Variants in ANKRD46 observed in about 807,000 individuals in gnomAD.
ANKRD46 encodes ankyrin repeat domain 46, also known as ankyrin repeat domain-containing protein 46.
In ANKRD46, 13 loss-of-function variants were observed where a neutral mutation model predicts 19.8. The ratio of observed to expected loss-of-function variants is 0.66; its 90% CI spans 0.43 to 1.04. The LOEUF is 1.04. ANKRD46 is among the 50% of genes least tolerant of loss of function. The pLI is 0.00. For synonymous variants in ANKRD46, 91 were observed against 106.9 expected, an observed-to-expected ratio of 0.85 and a Z score of 0.92; for missense variants, 185 against 274.8, an observed-to-expected ratio of 0.67 and a Z score of 2.31.
chr8:100,552,955 T>C (rs1283139047), intron 1 of ANKRD46, among the ~76,000 whole-genome samples: 2 of 152,228 alleles, frequency 1.3e-5, no homozygotes, highest in African/African-American at 4.8e-5. Flanking sequence ...CTGTCATTGC[T>C]TCCTAAAAAG....
intron 5 of ANKRD46, among the ~76,000 whole-genome samples, chr8:100,513,659 C>G (rs1811583827): frequency 6.6e-6 from 1 of 152,140 alleles, no homozygotes; most frequent in Non-Finnish European, 1.5e-5. Flanking sequence ...AAATATAGAA[C>G]TGTTAGCTGG....
Position 100,522,790 on chromosome 8 carries a change from C to G in ANKRD46, c.471-19G>C. On this transcript the variant is annotated intron_variant, in intron 4 of 4. Coordinates refer to ENST00000335659, the MANE Select transcript of ANKRD46 (RefSeq NM_001270377.2). ...CATGGCACTGTGGAAGAAGAAAGAG[C>G]AAAAAGGGCATTAAAAAAACACAGC... 1 of 1,541,362 alleles carries G rather than the reference C, an allele frequency of 6.5e-7. No homozygotes were observed. The highest frequency in any genetic ancestry group is 8.8e-7 in the Non-Finnish European group (1 of 1,137,332).
Position 100,529,664 on chromosome 8 carries a change from T to C in ANKRD46, c.170A>G (p.Asn57Ser). The C allele has an allele frequency of 2.5e-6, 4 of 1,614,236 alleles. No individual in the cohort carries two copies. The highest frequency in any genetic ancestry group is 3.4e-6 in the Non-Finnish European group (4 of 1,180,040). ...TGLHLAAARGNVDICQLLHKF... is the reference protein window; with the variant it reads ...TGLHLAAARGSVDICQLLHKF... ...ATGCAGTAACTGGCAGATGTCTACATTCCCTCGAGCTGCTGCAAGGTGAAG... is the reference window on the plus strand; with the variant it reads ...ATGCAGTAACTGGCAGATGTCTACACTCCCTCGAGCTGCTGCAAGGTGAAG... Residue 57 changes from asparagine (N) to serine (S), a missense_variant, in exon 3 of 5, where the codon AAT becomes AGT. Coordinates refer to ENST00000335659, the MANE Select transcript of ANKRD46 (RefSeq NM_001270377.2). The surrounding 1 kb of genome is among the most constrained non-coding windows in gnomAD (Gnocchi z 5.8).
intron 1 of ANKRD46, chr8:100,556,861 C>T (rs965604642): frequency 4.7e-4 from 72 of 152,292 alleles, no homozygotes; most frequent in African/African-American, 1.7e-3. Flanking sequence ...AAAGCCTCTC[C>T]TTTGTAATTA....
chr8:100,521,827 G>T lies in ANKRD46; in HGVS notation c.*728C>A, dbSNP rs753188066. 4.3e-5 allele frequency: 42 copies of T among 985,006 alleles called. No homozygotes were observed. The highest frequency in any genetic ancestry group is 4.9e-5 in the Non-Finnish European group (41 of 829,736). The allele number at this position is 985,006 out of a possible 1,614,324, so 61.0% of individuals were successfully genotyped here. Reference sequence around the variant, plus strand: ...ATGAACTGTTATCTTTGATGACTAGGATACTCGGGAAAATTGGAAAGTGAA... The same window carrying T: ...ATGAACTGTTATCTTTGATGACTAGTATACTCGGGAAAATTGGAAAGTGAA... On this transcript the variant is annotated 3_prime_UTR_variant, in exon 5 of 5. Coordinates refer to ENST00000335659, the MANE Select transcript of ANKRD46 (RefSeq NM_001270377.2).
At chr8:100,541,444 A>G (rs1812173483) in intron 1 of ANKRD46, among the ~76,000 whole-genome samples, 3 of 152,194 alleles carry the variant, frequency 2.0e-5, no homozygotes, top group African/African-American at 7.2e-5. Flanking sequence ...TCGCTTAATG[A>G]TGGGGTATGT....
rs1040608878 is a variant in ANKRD46, at chr8:100,511,544, CTACT to C, written c.637-909_637-906del. On this transcript the variant is annotated intron_variant, in intron 5 of 5. Transcript: ENST00000520552. The surrounding 1 kb of genome is among the most constrained non-coding windows in gnomAD (Gnocchi z 4.1). The stretch of plus-strand genomic sequence containing the variant: ...CTCAGAAGCACTGTGTTTCTCATTA[CTACT>C]TATTTTATCCAAATTAAATGACAAA... Among the ~76,000 whole-genome samples the C allele has an allele frequency of 2.5e-4, 38 of 152,008 alleles. No homozygotes were observed. Among genetic ancestry groups the C allele is most frequent in the Admixed American group, 7.9e-4 (12 of 15,256 alleles).
Position 100,524,515 on chromosome 8 carries a change from T to TA in ANKRD46, c.471-1745dup, listed in dbSNP as rs59698642. On this transcript the variant is annotated intron_variant, in intron 4 of 4. Transcript: ENST00000335659. The surrounding 1 kb of genome is among the most constrained non-coding windows in gnomAD (Gnocchi z 4.3). ...CTTAACACCCAAACTTTTTTTTTTT[T>TA]AATAATTAAAACATGTTTATTCTCT... Among the ~76,000 whole-genome samples, 4 of 150,806 alleles carry TA rather than the reference T, an allele frequency of 2.7e-5. No individual in the cohort carries two copies. The highest frequency in any genetic ancestry group is 6.6e-5 in the Admixed American group (1 of 15,184).
In ANKRD46 at chr8:100,553,333, T is replaced by G. The variant is rs16898575; in HGVS notation, c.-131+6378A>C. On this transcript the variant is annotated intron_variant, in intron 1 of 4. Transcript: ENST00000335659. ...GCAGAGGGGCAGATTTAAATTAACG[T>G]AGCAGCAATGCTGGGCTACTGGAAA... 7.6e-3 allele frequency among the ~76,000 whole-genome samples: 1,159 copies of G among 152,356 alleles called. 18 individuals carry two copies. Among genetic ancestry groups the G allele is most frequent in the African/African-American group, 0.026 (1,075 of 41,584 alleles).
chr8:100,533,827 CTT>C (rs1812010362), intron 1 of ANKRD46, among the ~76,000 whole-genome samples: 1 of 152,192 alleles, frequency 6.6e-6, no homozygotes, highest in African/African-American at 2.4e-5. Context: ...ACTTAAATCT[CTT>C]TAAATCTGTT....
At position 100,550,947 on chromosome 8, in the gene ANKRD46, TG is replaced by T; in HGVS notation, c.-131+8763del. On this transcript the variant is annotated intron_variant, in intron 1 of 4. Transcript: ENST00000335659. The surrounding 1 kb of genome is among the most constrained non-coding windows in gnomAD (Gnocchi z 4.4). ...TCTGACGCCTGCTTCACCACCTTTT[TG>T]ATGTCATCATATTTGGCAGGTTTCT... 1.7e-6 allele frequency: 1 copy of T among 597,930 alleles called. No individual in the cohort carries two copies. Among genetic ancestry groups the T allele is most frequent in the South Asian group, 1.5e-5 (1 of 66,450 alleles). The allele number at this position is 597,930 out of a possible 1,614,324, so 37.0% of individuals were successfully genotyped here.
At position 100,521,819 on chromosome 8, in the gene ANKRD46, A is replaced by G. The variant is rs951617402; in HGVS notation, c.*736T>C. 2 of 985,238 alleles carry G rather than the reference A, an allele frequency of 2.0e-6. No individual in the cohort carries two copies. Among genetic ancestry groups the G allele is most frequent in the African/African-American group, 3.5e-5 (2 of 57,254 alleles). 61.0% of individuals were successfully genotyped at this position (985,238 alleles called of 1,614,324 possible). A position where few individuals can be genotyped will look rare whatever the true frequency, so the allele number is the denominator to read the frequency against. On this transcript the variant is annotated 3_prime_UTR_variant, in exon 5 of 5. Transcript: ENST00000335659. ...TAATTCTGATGAACTGTTATCTTTG[A>G]TGACTAGGATACTCGGGAAAATTGG...
intron 4 of ANKRD46, among the ~76,000 whole-genome samples, chr8:100,526,855 A>G (rs988698749): frequency 6.6e-6 from 1 of 152,184 alleles, no homozygotes; most frequent in Non-Finnish European, 1.5e-5. Flanking sequence ...GGATTATGTG[A>G]TTCTAAATCC....
intron 5 of ANKRD46, among the ~76,000 whole-genome samples, chr8:100,512,360 A>G (rs1811561240): frequency 6.6e-6 from 1 of 152,248 alleles, no homozygotes; most frequent in African/African-American, 2.4e-5. Context: ...ATTAGAAATA[A>G]GATAGGACAG....
intron 1 of ANKRD46, among the ~76,000 whole-genome samples, chr8:100,538,301 C>A (rs1312458736): frequency 6.6e-6 from 1 of 152,026 alleles, no homozygotes; most frequent in African/African-American, 2.4e-5. Context: ...ATTCAACCAA[C>A]CATGAATCAA....
rs1189833461 is a variant in ANKRD46, at chr8:100,545,102, A to G, written c.-130-11791T>C. The stretch of plus-strand genomic sequence containing the variant: ...CACTTTTGGAGGCAGAGGTGGGAGA[A>G]TTGCTTGAGCCCAGGCATTCGAGAC... On this transcript the variant is annotated intron_variant, in intron 1 of 4. Coordinates refer to ENST00000335659, the MANE Select transcript of ANKRD46 (RefSeq NM_001270377.2). This position sits in a 1 kb window ranked among gnomAD's most constrained non-coding sequence, Gnocchi z 4.7. Among the ~76,000 whole-genome samples, 1 of 152,152 alleles carries G rather than the reference A, an allele frequency of 6.6e-6. No homozygotes were observed. Among genetic ancestry groups the G allele is most frequent in the South Asian group, 2.1e-4 (1 of 4,832 alleles).
intron 1 of ANKRD46, among the ~76,000 whole-genome samples, chr8:100,553,736 A>G (rs746849128): frequency 1.7e-4 from 26 of 152,202 alleles, no homozygotes; most frequent in Non-Finnish European, 3.2e-4. Flanking sequence ...GAGACAGAGC[A>G]AAACTCCATC....
rs1812029538 is a variant in ANKRD46, at chr8:100,534,727, A to G, written c.-130-1416T>C. 6.6e-6 allele frequency among the ~76,000 whole-genome samples: 1 copy of G among 152,182 alleles called. No individual in the cohort carries two copies. Among genetic ancestry groups the G allele is most frequent in the Non-Finnish European group, 1.5e-5 (1 of 68,032 alleles). ...TATGGTCATGCCCCCAAATAATCCT[A>G]ATGTTCTCTTAAATCCACAAGAAGG... On this transcript the variant is annotated intron_variant, in intron 1 of 4. Coordinates refer to ENST00000335659, the MANE Select transcript of ANKRD46 (RefSeq NM_001270377.2). The surrounding 1 kb of genome is among the most constrained non-coding windows in gnomAD (Gnocchi z 4.2).
intron 1 of ANKRD46, among the ~76,000 whole-genome samples, chr8:100,535,662 G>T (rs1008225212): frequency 2.0e-5 from 3 of 152,200 alleles, no homozygotes; most frequent in Non-Finnish European, 4.4e-5. Context: ...GCACATACAG[G>T]AACCTTTTGG....
Sources: allele counts gnomAD v4.1 joint callset (sites outside exome capture counted in the v4.1 genomes callset), GRCh38; gene constraint gnomAD v4.1.1; non-coding constraint Gnocchi (gnomAD v3.1); transcripts MANE v1.5; gene names NCBI Gene and HGNC (gene_info 2026-07-23, HGNC 2026-07-21).